The following ACTR3C variants were observed in gnomAD, a reference collection of about 807,000 sequenced individuals.
ACTR3C encodes the protein actin related protein 3C.
A neutral mutation model predicts 26.3 loss-of-function variants in ACTR3C; 18 were observed. The observed-to-expected ratio is 0.68, with a 90% CI of 0.47 to 1.01. The LOEUF is 1.01. Ranked by LOEUF, ACTR3C falls within the 50% of genes least tolerant of loss-of-function variation. ACTR3C has a pLI of 0.00. For synonymous variants in ACTR3C, 55 were observed against 94.5 expected, an observed-to-expected ratio of 0.58 and a Z score of 2.42; for missense variants, 184 against 250.7, an observed-to-expected ratio of 0.73 and a Z score of 1.80.
At chr7:150,041,977 T>G in the ACTR3C span, among the ~76,000 whole-genome samples, 12 of 146,354 alleles carry the variant, frequency 8.2e-5, no homozygotes, top group African/African-American at 2.5e-4. Flanking sequence ...AGATTTGAAC[T>G]TTCTACTTGG....
At chr7:149,905,289 G>C in the ACTR3C span, among the ~76,000 whole-genome samples, 7 of 151,984 alleles carry the variant, frequency 4.6e-5, no homozygotes, top group Non-Finnish European at 1.0e-4. Context: ...AGCATAAATG[G>C]TACCTCCATA....
chr7:149,950,654 TAGA>T, the ACTR3C span, among the ~76,000 whole-genome samples: 7 of 140,338 alleles, frequency 5.0e-5, no homozygotes, highest in Non-Finnish European at 1.5e-5. Context: ...AGGGTGCTTG[TAGA>T]AGAAGTGGAG....
chr7:150,260,073 A>G (rs2129609948), intron 6 of ACTR3C, among the ~76,000 whole-genome samples: 1 of 152,336 alleles, frequency 6.6e-6, no homozygotes, highest in South Asian at 2.1e-4. Context: ...ATAAAGTTGT[A>G]TTGGAATGCA....
At chr7:150,226,233 C>T in the ACTR3C span, among the ~76,000 whole-genome samples, 1 of 152,170 alleles carries the variant, frequency 6.6e-6, no homozygotes, top group Non-Finnish European at 1.5e-5. Flanking sequence ...ATTGCTGGAT[C>T]ATATGGTGAG....
chr7:150,298,948 T>G (rs566761992), intron 1 of ACTR3C, among the ~76,000 whole-genome samples: 3 of 151,880 alleles, frequency 2.0e-5, no homozygotes, highest in South Asian at 2.1e-4. Context: ...TAAATATCCT[T>G]CTGCTTCAAC....
the ACTR3C span, among the ~76,000 whole-genome samples, chr7:150,198,572 C>T: frequency 2.0e-5 from 3 of 149,032 alleles, no homozygotes; most frequent in African/African-American, 5.1e-5. Flanking sequence ...TCTGCCCGGC[C>T]GCCCCGTCTG....
the ACTR3C span, among the ~76,000 whole-genome samples, chr7:150,053,357 A>C: frequency 5.9e-5 from 9 of 152,052 alleles, no homozygotes; most frequent in Admixed American, 2.0e-4. Flanking sequence ...AATTAAGTTA[A>C]ATATGATTCC....
the ACTR3C span, among the ~76,000 whole-genome samples, chr7:150,198,782 CCG>C: frequency 1.4e-5 from 2 of 142,766 alleles, no homozygotes; most frequent in Admixed American, 6.8e-5. Flanking sequence ...GCCTGGCCAG[CCG>C]TGCCGTCCGG....
At chr7:150,080,517 T>TGTGTGTG in the ACTR3C span, among the ~76,000 whole-genome samples, 1 of 148,870 alleles carries the variant, frequency 6.7e-6, no homozygotes. Context: ...GTATGAGTGT[T>TGTGTGTG]TGTGTGTGTA....
At chr7:150,157,735 T>G in the ACTR3C span, among the ~76,000 whole-genome samples, 2 of 152,178 alleles carry the variant, frequency 1.3e-5, no homozygotes, top group African/African-American at 4.8e-5. Context: ...ATTACGGAAG[T>G]GTTACCACTG....
At chr7:150,246,479 T>G (rs1272024807), downstream of ACTR3C, 1 of 152,224 alleles carries the variant, frequency 6.6e-6, no homozygotes, top group Non-Finnish European at 1.5e-5. Context: ...GGGGGACTTG[T>G]AGCCACTGCA....
chr7:149,999,687 C>T, the ACTR3C span, among the ~76,000 whole-genome samples: 1 of 151,446 alleles, frequency 6.6e-6, no homozygotes, highest in African/African-American at 2.4e-5. Flanking sequence ...TGCTAGGAGG[C>T]CAGCAAGCGG....
chr7:150,299,832 G>A (rs1011980708), intron 1 of ACTR3C, among the ~76,000 whole-genome samples: 10 of 151,962 alleles, frequency 6.6e-5, no homozygotes, highest in African/African-American at 2.4e-4. Flanking sequence ...ATGGGGACTC[G>A]TTCAATGAGT....
the ACTR3C span, among the ~76,000 whole-genome samples, chr7:150,156,923 G>T: frequency 2.6e-5 from 4 of 151,720 alleles, no homozygotes; most frequent in African/African-American, 7.3e-5. Context: ...TCACTGAGGG[G>T]TTGGTTAATC....
the ACTR3C span, among the ~76,000 whole-genome samples, chr7:150,039,330 G>A: frequency 7.2e-4 from 105 of 145,976 alleles, no homozygotes; most frequent in African/African-American, 2.3e-3. Flanking sequence ...AGAGGGGATA[G>A]CTCTCAGTCC....
chr7:150,063,951 C>T, the ACTR3C span, among the ~76,000 whole-genome samples: 2 of 151,856 alleles, frequency 1.3e-5, no homozygotes, highest in Non-Finnish European at 2.9e-5. Flanking sequence ...ACTACCAAAG[C>T]GGCAGTTTTG....
At chr7:149,906,525 G>T in the ACTR3C span, among the ~76,000 whole-genome samples, 1 of 143,558 alleles carries the variant, frequency 7.0e-6, no homozygotes, top group Non-Finnish European at 1.5e-5. Context: ...TCCACCTCCC[G>T]GATTCAAGTG....
chr7:150,150,055 C>G, the ACTR3C span, among the ~76,000 whole-genome samples: 1 of 151,972 alleles, frequency 6.6e-6, no homozygotes, highest in East Asian at 1.9e-4. Flanking sequence ...CCTCCCAGCC[C>G]CATTTTCCTT....
At chr7:150,101,915 C>G in the ACTR3C span, among the ~76,000 whole-genome samples, 1 of 151,600 alleles carries the variant, frequency 6.6e-6, no homozygotes, top group Non-Finnish European at 1.5e-5. Context: ...CAAAGAGTAG[C>G]CAATTCTATA....
Sources: allele counts gnomAD v4.1 joint callset (sites outside exome capture counted in the v4.1 genomes callset), GRCh38; gene constraint gnomAD v4.1.1; transcripts MANE v1.5; gene names NCBI Gene and HGNC (gene_info 2026-07-23, HGNC 2026-07-21).